The following MAGI1 variants were observed in gnomAD, a reference collection of about 807,000 sequenced individuals.
MAGI1 encodes membrane-associated guanylate kinase, WW and PDZ domain-containing protein 1.
Under a neutral mutation model 139.9 loss-of-function variants are expected in MAGI1, and 58 were observed. The ratio of observed to expected loss-of-function variants is 0.41; its 90% CI spans 0.34 to 0.52. The LOEUF is 0.52. Among genes scored for constraint, MAGI1 ranks in the 20% least tolerant of loss-of-function variants. The pLI is 0.12. For missense variants in MAGI1, 1,874 were observed against 1,901.6 expected (o/e 0.99, Z 0.27); for synonymous variants, 812 against 737.9 (o/e 1.10, Z -1.63).
At position 65,363,548 on chromosome 3, in the gene MAGI1, G is replaced by A. The variant is rs925137709; in HGVS notation, c.3412C>T (p.Arg1138Ter). 6.2e-7 allele frequency: 1 copy of A among 1,614,028 alleles called. No individual in the cohort carries two copies. Among genetic ancestry groups the A allele is most frequent in the Non-Finnish European group, 8.5e-7 (1 of 1,179,930 alleles). ...TCCATGTTATACTCTCGGCCTCCTC[G>A]AAGGCTAAAGCCAAATCCCTTGGCT... ...RGAKGFGFSL[R>*]GGREYNMDLY... Residue 1138 changes from arginine (R) to a stop codon, truncating the protein, a stop_gained, in exon 21 of 23, where the codon CGA (arginine) becomes TGA (stop). Transcript: ENST00000402939. LOFTEE classifies it high-confidence loss of function.
intron 1 of MAGI1, among the ~76,000 whole-genome samples, chr3:65,899,738 A>G (rs1302116283): frequency 6.6e-6 from 1 of 152,226 alleles, no homozygotes; most frequent in Non-Finnish European, 1.5e-5. Flanking sequence ...GATATATCTA[A>G]TACAGTTTCA....
At chr3:65,377,448 A>G (rs1333660567) in intron 17 of MAGI1, among the ~76,000 whole-genome samples, 1 of 152,234 alleles carries the variant, frequency 6.6e-6, no homozygotes, top group Non-Finnish European at 1.5e-5. Context: ...GAGCCAAAGG[A>G]AAACAATCAA....
intron 1 of MAGI1, among the ~76,000 whole-genome samples, chr3:65,685,937 A>G (rs1234500806): frequency 6.6e-6 from 1 of 152,194 alleles, no homozygotes; most frequent in Admixed American, 6.5e-5. Flanking sequence ...GATTCTTCAC[A>G]GGCCTCCACT....
chr3:65,962,204 G>C (rs964691639), intron 1 of MAGI1, among the ~76,000 whole-genome samples: 8 of 149,068 alleles, frequency 5.4e-5, no homozygotes, highest in Admixed American at 4.7e-4. Context: ...TTCACTGCAA[G>C]CTCTGCAGTG....
chr3:65,604,055 A>G (rs1174557781), intron 2 of MAGI1, among the ~76,000 whole-genome samples: 1 of 152,192 alleles, frequency 6.6e-6, no homozygotes, highest in East Asian at 1.9e-4. Context: ...AGCACTTTGT[A>G]ATTTTCACAA....
intron 1 of MAGI1, among the ~76,000 whole-genome samples, chr3:65,992,139 C>T (rs1017064353): frequency 6.6e-6 from 1 of 152,154 alleles, no homozygotes; most frequent in African/African-American, 2.4e-5. Flanking sequence ...GGTAAGTTAA[C>T]CTCACAAAAC....
chr3:65,538,694 C>A (rs1180117156), intron 2 of MAGI1, among the ~76,000 whole-genome samples: 1 of 152,082 alleles, frequency 6.6e-6, no homozygotes, highest in Non-Finnish European at 1.5e-5. Context: ...CTCATCTAAC[C>A]CTCAGAGCAA....
intron 2 of MAGI1, among the ~76,000 whole-genome samples, chr3:65,534,466 G>C (rs1178892522): frequency 6.6e-6 from 1 of 152,096 alleles, no homozygotes; most frequent in African/African-American, 2.4e-5. Flanking sequence ...CTCCAGCCTC[G>C]GTGAGAGAGT....
chr3:65,620,188 G>A (rs1305600895), intron 2 of MAGI1, among the ~76,000 whole-genome samples: 1 of 152,074 alleles, frequency 6.6e-6, no homozygotes, highest in Non-Finnish European at 1.5e-5. Context: ...ATCTAAGTAG[G>A]GGAAAAATTA....
intron 1 of MAGI1, among the ~76,000 whole-genome samples, chr3:65,825,413 C>T (rs1229926723): frequency 6.6e-6 from 1 of 152,168 alleles, no homozygotes; most frequent in Non-Finnish European, 1.5e-5. Flanking sequence ...TCCCCAACTT[C>T]GCATTCAGTG....
chr3:65,670,587 T>C (rs1243069352), intron 1 of MAGI1, among the ~76,000 whole-genome samples: 1 of 152,186 alleles, frequency 6.6e-6, no homozygotes, highest in Non-Finnish European at 1.5e-5. Flanking sequence ...CAAAGGTCTT[T>C]ACCTGCAATG....
At chr3:65,669,601 T>C (rs2086733202) in intron 1 of MAGI1, among the ~76,000 whole-genome samples, 1 of 152,214 alleles carries the variant, frequency 6.6e-6, no homozygotes, top group Admixed American at 6.5e-5. Flanking sequence ...TTAGTAGCCA[T>C]TGCTTTGATT....
chr3:65,843,599 A>C (rs2058883891), intron 1 of MAGI1, among the ~76,000 whole-genome samples: 2 of 152,148 alleles, frequency 1.3e-5, no homozygotes. Context: ...TTTACCCACC[A>C]GTTAACTCAC....
chr3:65,701,002 GCCA>G (rs1037490817), intron 1 of MAGI1, among the ~76,000 whole-genome samples: 3 of 152,082 alleles, frequency 2.0e-5, no homozygotes, highest in Non-Finnish European at 2.9e-5. Flanking sequence ...ACACAATGCG[GCCA>G]CCATCAGGGG....
intron 1 of MAGI1, among the ~76,000 whole-genome samples, chr3:65,750,653 T>A (rs1197253644): frequency 1.3e-5 from 2 of 152,206 alleles, no homozygotes; most frequent in Admixed American, 6.5e-5. Flanking sequence ...TACATTTCCC[T>A]CACCTGAGGT....
At chr3:65,617,575 A>G (rs1392750736) in intron 2 of MAGI1, among the ~76,000 whole-genome samples, 2 of 151,972 alleles carry the variant, frequency 1.3e-5, no homozygotes, top group Non-Finnish European at 2.9e-5. Flanking sequence ...GTGAACGGGC[A>G]CTCCAGCTCC....
chr3:65,592,935 G>A (rs2082032830), intron 2 of MAGI1, among the ~76,000 whole-genome samples: 2 of 152,132 alleles, frequency 1.3e-5, no homozygotes, highest in Non-Finnish European at 2.9e-5. Context: ...ACAAGCTACA[G>A]GAGGGCAGGG....
intron 1 of MAGI1, among the ~76,000 whole-genome samples, chr3:65,836,954 A>G (rs1448619775): frequency 6.6e-6 from 1 of 152,166 alleles, no homozygotes. Flanking sequence ...ATTGTAATAT[A>G]AATGGGAGGT....
chr3:65,934,751 G>C (rs1423985324), intron 1 of MAGI1, among the ~76,000 whole-genome samples: 2 of 151,174 alleles, frequency 1.3e-5, no homozygotes, highest in South Asian at 2.1e-4. Flanking sequence ...ATTGTGGGCT[G>C]AGAAGAAAAA....
Sources: gnomAD v4.1 joint callset for allele counts (sites outside exome capture counted in the v4.1 genomes callset) on GRCh38, gnomAD v4.1.1 for gene constraint, MANE v1.5 for transcripts, NCBI Gene and HGNC (gene_info 2026-07-23, HGNC 2026-07-21) for gene names.